MUL1: variants seen among roughly 807,000 people sequenced by gnomAD.
MUL1 encodes mitochondrial ubiquitin ligase activator of NFKB 1.
Under a neutral mutation model 34.1 loss-of-function variants are expected in MUL1, and 30 were observed. The observed-to-expected ratio is 0.88, with a 90% CI of 0.66 to 1.19. The LOEUF (loss-of-function observed/expected upper bound fraction) is 1.19. Among genes scored for constraint, MUL1 ranks in the 50% most tolerant of loss-of-function variants. MUL1 has a pLI of 0.00. For missense variants in MUL1, 419 were observed against 450.5 expected (o/e 0.93, Z 0.63); for synonymous variants, 191 against 187.8 (o/e 1.02, Z -0.14).
chr1:20,501,747 A>T lies in MUL1; in HGVS notation c.329+322T>A, dbSNP rs1186708370. Among the ~76,000 whole-genome samples, 1 of 152,218 alleles carries T rather than the reference A, an allele frequency of 6.6e-6. No individual in the cohort carries two copies. The highest frequency in any genetic ancestry group is 1.5e-5 in the Non-Finnish European group (1 of 68,036). ...ATTTTAGGAAATACTGAAATCACTG[A>T]TTCAGTGGTTCTCAAACTTCAGTGT... On this transcript the variant is annotated intron_variant, in intron 3 of 3. Transcript: ENST00000264198. This position sits in a 1 kb window ranked among gnomAD's most constrained non-coding sequence, Gnocchi z 4.2.
intron 1 of MUL1, 36 bp from the exon 2 acceptor site, chr1:20,503,345 T>G: frequency 2.2e-5 from 26 of 1,206,924 alleles, no homozygotes; most frequent in Non-Finnish European, 2.9e-5. Flanking sequence ...AATTGGCCAT[T>G]GAACACTGAC....
In MUL1 at chr1:20,500,705, G is replaced by C. The variant is rs1290280691; in HGVS notation, c.1044C>G (p.Pro348=). The change falls in exon 4 of 4, where the codon CCC becomes CCG. Residue 348 remains proline, a synonymous_variant. Transcript: ENST00000264198. ...ICRQAITRVI[P]LYNS ...TTCCAAACTATTAGCTGTTGTACAG[G>C]GGTATCACCCGGGTGATCGCCTGTC... 2.5e-6 allele frequency: 4 copies of C among 1,583,908 alleles called. No homozygotes were observed. The highest frequency in any genetic ancestry group is 3.4e-6 in the Non-Finnish European group (4 of 1,163,920).
At position 20,501,510 on chromosome 1, in the gene MUL1, T is replaced by C. The variant is rs2051660278; in HGVS notation, c.330-91A>G. 6 of 1,397,558 alleles carry C rather than the reference T, an allele frequency of 4.3e-6. No individual in the cohort carries two copies. Among genetic ancestry groups the C allele is most frequent in the African/African-American group, 1.4e-5 (1 of 69,718 alleles). The allele number at this position is 1,397,558 out of a possible 1,614,324, so 86.6% of individuals were successfully genotyped here. On this transcript the variant is annotated intron_variant, in intron 3 of 3. Transcript: ENST00000264198. This position sits in a 1 kb window ranked among gnomAD's most constrained non-coding sequence, Gnocchi z 4.2. ...TCAACTAAATGTGGAGGACAGCATATGGTCTGAAGTAACTGGAAGAAGACA... is the reference window on the plus strand; with the variant it reads ...TCAACTAAATGTGGAGGACAGCATACGGTCTGAAGTAACTGGAAGAAGACA...
At chr1:20,506,963 A>G (rs533737082) in intron 1 of MUL1, among the ~76,000 whole-genome samples, 1 of 152,162 alleles carries the variant, frequency 6.6e-6, no homozygotes, top group Non-Finnish European at 1.5e-5. Flanking sequence ...GCAGTGGCTC[A>G]CGCCTTTACA....
chr1:20,502,408 G>T (rs1448095902), intron 2 of MUL1, among the ~76,000 whole-genome samples: 2 of 152,164 alleles, frequency 1.3e-5, no homozygotes, highest in Non-Finnish European at 2.9e-5. Flanking sequence ...AGTTAGCAGG[G>T]TGTGGTGGCA....
intron 1 of MUL1, among the ~76,000 whole-genome samples, chr1:20,506,898 GA>G (rs904776828): frequency 4.7e-5 from 7 of 148,816 alleles, no homozygotes; most frequent in Non-Finnish European, 7.4e-5. Flanking sequence ...GGAAAGAAAG[GA>G]AAAAAAATTA....
In MUL1 at chr1:20,502,165, G is replaced by A. The variant is rs1222136642; in HGVS notation, c.233C>T (p.Thr78Met). The change falls in exon 3 of 4, where the codon ACG becomes ATG. Residue 78 changes from threonine (T) to methionine (M), a missense_variant. Transcript: ENST00000264198. ...IEGAVRSVKE[T>M]LNSQFVENCK... is the part of the protein sequence containing the mutation. ...GTTTTCCACAAACTGGCTGTTAAGC[G>A]TTTCTTTAACAGACCGCACAGCTCC... is the stretch of plus-strand genomic sequence containing the variant. 13 of 1,614,102 alleles carry A rather than the reference G, an allele frequency of 8.1e-6. No individual in the cohort carries two copies. In the Admixed American group the frequency reaches 8.3e-5, roughly 10 times the overall value.
At chr1:20,505,002 A>C (rs1298501383) in intron 1 of MUL1, among the ~76,000 whole-genome samples, 1 of 152,198 alleles carries the variant, frequency 6.6e-6, no homozygotes, top group East Asian at 1.9e-4. Context: ...AAGGGGGAAG[A>C]GGGAGAATAT....
Position 20,508,133 on chromosome 1 carries a change from C to A in MUL1, c.-109G>T. 1 of 1,438,344 alleles carries A rather than the reference C, an allele frequency of 7.0e-7. No individual in the cohort carries two copies. Among genetic ancestry groups the A allele is most frequent in the South Asian group, 1.4e-5 (1 of 73,818 alleles). The allele number at this position is 1,438,344 out of a possible 1,614,324, so 89.1% of individuals were successfully genotyped here. On this transcript the variant is annotated 5_prime_UTR_variant, in exon 1 of 4. Transcript: ENST00000264198. ...CCGCACCCCCCCGGCCTAACCTGAC[C>A]GGAAACTCGAAATCAGTCGCCCAGC...
At position 20,501,115 on chromosome 1, in the gene MUL1, G is replaced by A. The variant is rs767344870; in HGVS notation, c.634C>T (p.Pro212Ser). 1.2e-6 allele frequency: 2 copies of A among 1,614,118 alleles called. No individual in the cohort carries two copies. Among genetic ancestry groups the A allele is most frequent in the Non-Finnish European group, 1.7e-6 (2 of 1,180,020 alleles). Reference protein sequence around the residue: ...VLDNNSVRLQPPKQGMQYYLS... With the variant: ...VLDNNSVRLQSPKQGMQYYLS... ...TAGTACTGCATGCCTTGTTTGGGCG[G>A]CTGCAGGCGGACAGAGTTGTTGTCC... Residue 212 changes from proline (P) to serine (S), a missense_variant, in exon 4 of 4, where the codon CCG (proline) becomes TCG (serine). Pro to Ser is a moderately conservative substitution (Grantham distance 74, BLOSUM62 -1). Transcript: ENST00000264198. This position sits in a 1 kb window ranked among gnomAD's most constrained non-coding sequence, Gnocchi z 4.2.
chr1:20,502,102 T>C lies in MUL1; in HGVS notation c.296A>G (p.His99Arg), dbSNP rs1371561735. 1.2e-6 allele frequency: 2 copies of C among 1,613,970 alleles called. No homozygotes were observed. Among genetic ancestry groups the C allele is most frequent in the Non-Finnish European group, 8.5e-7 (1 of 1,180,044 alleles). ...GGTGGTTCGATTCCACACCATCTTG[T>C]GCTCCTGAAGTGTCAGCCGCTGAAT... ...GVIQRLTLQEHKMVWNRTTHL... is the reference protein window; with the variant it reads ...GVIQRLTLQERKMVWNRTTHL... The change falls in exon 3 of 4, where the codon CAC (histidine) becomes CGC (arginine). Residue 99 changes from histidine (H) to arginine (R), a missense_variant. Transcript: ENST00000264198.
In MUL1 at chr1:20,503,315, TA is replaced by T. The variant is rs60519890; in HGVS notation, c.121-7del. The T allele has an allele frequency of 0.21, 258,028 of 1,248,312 alleles. 13,654 individuals carry two copies. The highest frequency in any genetic ancestry group is 0.23 in the Non-Finnish European group (212,129 of 932,534). The allele number at this position is 1,248,312 out of a possible 1,614,324, so 77.3% of individuals were successfully genotyped here. On this transcript the variant is annotated splice_region_variant and splice_polypyrimidine_tract_variant and intron_variant, in intron 1 of 3. Coordinates refer to ENST00000264198, the MANE Select transcript of MUL1 (RefSeq NM_024544.3). ...AAATGAACTTTTTTAGCTCCCTAAA[TA>T]AAAAAAAAAAATTAAATTAATTGGC...
chr1:20,506,157 C>T lies in MUL1; in HGVS notation c.120+1748G>A, dbSNP rs372461703. ...CTGGCCCACACATTAGTTTCTAAAC[C>T]CTTACTGAAAACAATCTGATAATTA... On this transcript the variant is annotated intron_variant, in intron 1 of 3. Transcript: ENST00000264198. Among the ~76,000 whole-genome samples, 3 of 152,100 alleles carry T rather than the reference C, an allele frequency of 2.0e-5. No homozygotes were observed. In the East Asian group the frequency reaches 5.8e-4, roughly 29 times the overall value.
Position 20,508,093 on chromosome 1 carries a change from T to C in MUL1, c.-69A>G, listed in dbSNP as rs1034819195. ...GCCTGGTGACCCCCGACTCTCCACC[T>C]CCTTCCGACCAGGACCGCACCCCCC... On this transcript the variant is annotated 5_prime_UTR_variant, in exon 1 of 4. Coordinates refer to ENST00000264198, the MANE Select transcript of MUL1 (RefSeq NM_024544.3). The C allele has an allele frequency of 4.6e-6, 7 of 1,537,690 alleles. No homozygotes were observed. Among genetic ancestry groups the C allele is most frequent in the Non-Finnish European group, 6.1e-6 (7 of 1,141,194 alleles).
chr1:20,505,307 A>C (rs952183547), intron 1 of MUL1, among the ~76,000 whole-genome samples: 2 of 152,158 alleles, frequency 1.3e-5, no homozygotes, highest in Non-Finnish European at 2.9e-5. Flanking sequence ...AATCTAGGAC[A>C]GGCATGGTAG....
rs951605996 is a variant in MUL1 at position 20,501,992 on chromosome 1, C to T, written c.329+77G>A. On this transcript the variant is annotated intron_variant, in intron 3 of 3. Coordinates refer to ENST00000264198, the MANE Select transcript of MUL1 (RefSeq NM_024544.3). This position sits in a 1 kb window ranked among gnomAD's most constrained non-coding sequence, Gnocchi z 4.2. ...CCTGTCTCAGGAGAAGCTGAAGTCA[C>T]GGCAACAGCACCCAGGACCCCAGCA... 16 of 1,584,806 alleles carry T rather than the reference C, an allele frequency of 1.0e-5. No individual in the cohort carries two copies. Among genetic ancestry groups the T allele is most frequent in the African/African-American group, 2.7e-5 (2 of 74,212 alleles).
rs141067614 is a variant in MUL1 at position 20,507,998 on chromosome 1, C to G, written c.27G>C (p.Leu9=). 1.9e-6 allele frequency: 3 copies of G among 1,587,538 alleles called. No individual in the cohort carries two copies. Among genetic ancestry groups the G allele is most frequent in the African/African-American group, 2.7e-5 (2 of 74,886 alleles). The change falls in exon 1 of 4, where the codon CTG becomes CTC. Residue 9 remains leucine, a synonymous_variant. Coordinates refer to ENST00000264198, the MANE Select transcript of MUL1 (RefSeq NM_024544.3). The part of the protein sequence containing the change: MESGGRPS[L]CQFILLGTTS... ...TGGTGCCCAGGAGGATGAACTGGCA[C>G]AGCGAGGGCCGCCCTCCGCTCTCCA... is the stretch of plus-strand genomic sequence containing the variant.
chr1:20,503,066 C>T (rs549052258), intron 2 of MUL1, among the ~76,000 whole-genome samples, 156 bp downstream of exon 2: 2 of 152,180 alleles, frequency 1.3e-5, no homozygotes, highest in Admixed American at 1.3e-4. Context: ...GTAATCTTAG[C>T]GATCACAAAG....
At position 20,507,982 on chromosome 1, in the gene MUL1, G is replaced by A. The variant is rs1183455886; in HGVS notation, c.43C>T (p.Leu15=). 2 of 1,592,308 alleles carry A rather than the reference G, an allele frequency of 1.3e-6. No homozygotes were observed. The highest frequency in any genetic ancestry group is 2.3e-5 in the East Asian group (1 of 44,152). Residue 15 remains leucine, a synonymous_variant, in exon 1 of 4, where the codon CTG becomes TTG. Coordinates refer to ENST00000264198, the MANE Select transcript of MUL1 (RefSeq NM_024544.3). Reference sequence around the variant, plus strand: ...GCGGTGACCACAGAGGTGGTGCCCAGGAGGATGAACTGGCACAGCGAGGGC... The same window carrying A: ...GCGGTGACCACAGAGGTGGTGCCCAAGAGGATGAACTGGCACAGCGAGGGC... ...GRPSLCQFIL[L]GTTSVVTAAL...
Sources: allele counts gnomAD v4.1 joint callset (sites outside exome capture counted in the v4.1 genomes callset), GRCh38; gene constraint gnomAD v4.1.1; non-coding constraint Gnocchi (gnomAD v3.1); transcripts MANE v1.5; gene names NCBI Gene and HGNC (gene_info 2026-07-23, HGNC 2026-07-21).